The following SGCZ variants were observed in gnomAD, a reference collection of about 807,000 sequenced individuals.
The protein encoded by SGCZ is sarcoglycan zeta, also known as zeta-sarcoglycan.
In SGCZ, 40 loss-of-function variants were observed where a neutral mutation model predicts 41.3. The observed-to-expected ratio is 0.97, with a 90% CI of 0.75 to 1.26. The LOEUF (loss-of-function observed/expected upper bound fraction) is 1.26, where lower values mean the gene tolerates loss of function less well. Ranked by LOEUF, SGCZ falls within the 50% of genes most tolerant of loss-of-function variation. The probability of loss-of-function intolerance (pLI) is 0.00; values close to 1 mark genes in which losing one functional copy is unlikely to be tolerated. For missense variants in SGCZ, 552 were observed against 369.8 expected (o/e 1.49, Z -4.04); for synonymous variants, 206 against 137.5 (o/e 1.50, Z -3.49).
intron 3 of SGCZ, among the ~76,000 whole-genome samples, chr8:14,252,456 A>T (rs1020745708): frequency 5.9e-5 from 9 of 152,134 alleles, no homozygotes; most frequent in African/African-American, 2.2e-4. Context: ...TACTGAAGTA[A>T]CTGAAAAATC....
intron 1 of SGCZ, among the ~76,000 whole-genome samples, chr8:15,159,084 T>G (rs977843029): frequency 6.6e-6 from 1 of 152,140 alleles, no homozygotes; most frequent in African/African-American, 2.4e-5. Context: ...AAGACCAGCC[T>G]TCTGAGAGGG....
At chr8:14,460,588 A>G (rs1363322800) in intron 2 of SGCZ, among the ~76,000 whole-genome samples, 1 of 152,146 alleles carries the variant, frequency 6.6e-6, no homozygotes. Flanking sequence ...GTGCATAATA[A>G]CAAGAAATGT....
chr8:14,247,851 G>A (rs1799159232), intron 3 of SGCZ, among the ~76,000 whole-genome samples: 1 of 152,168 alleles, frequency 6.6e-6, no homozygotes, highest in East Asian at 1.9e-4. Context: ...AATTGATGAG[G>A]TCAAAGAGAC....
chr8:14,437,830 A>G (rs1393162266), intron 2 of SGCZ, among the ~76,000 whole-genome samples: 1 of 151,860 alleles, frequency 6.6e-6, no homozygotes. Context: ...AAAAATTTAT[A>G]ATTTTAATAT....
At chr8:14,637,411 C>T (rs931716625) in intron 1 of SGCZ, among the ~76,000 whole-genome samples, 1 of 151,514 alleles carries the variant, frequency 6.6e-6, no homozygotes, top group Non-Finnish European at 1.5e-5. Flanking sequence ...GCATGGATCC[C>T]ATCACTCAGA....
At position 14,108,223 on chromosome 8, in the gene SGCZ, G is replaced by C. The variant is rs767884509; in HGVS notation, c.560C>G (p.Ala187Gly). 3 of 1,614,042 alleles carry C rather than the reference G, an allele frequency of 1.9e-6. No homozygotes were observed. In the East Asian group the frequency reaches 6.7e-5, roughly 36 times the overall value. The change falls in exon 6 of 8, where the codon GCC (alanine) becomes GGC (glycine). Residue 187 changes from alanine (A) to glycine (G), a missense_variant. By Grantham distance (60) the Ala-to-Gly change is moderately conservative (BLOSUM62 0). Transcript: ENST00000382080. ...CGTCTCCACAGAGTGCCCAAATACG[G>C]CTCCTTCAGTGCCTGGGGGTAGCAT... The part of the protein sequence containing the change: ...EKLKVTGTEG[A>G]VFGHSVETPH...
At chr8:14,943,905 T>A (rs761912857) in intron 1 of SGCZ, among the ~76,000 whole-genome samples, 23 of 152,148 alleles carry the variant, frequency 1.5e-4, no homozygotes, top group Non-Finnish European at 3.1e-4. Flanking sequence ...GCAAAGGACG[T>A]AATCTTGTTC....
intron 4 of SGCZ, among the ~76,000 whole-genome samples, chr8:14,181,341 G>T (rs978506637): frequency 1.3e-5 from 2 of 152,168 alleles, no homozygotes; most frequent in African/African-American, 4.8e-5. Context: ...TGGTAATGGT[G>T]TGCCTTAAAA....
intron 1 of SGCZ, among the ~76,000 whole-genome samples, chr8:14,611,148 T>A (rs539801730): frequency 6.6e-6 from 1 of 152,318 alleles, no homozygotes; most frequent in East Asian, 1.9e-4. Flanking sequence ...ATGAATATAT[T>A]TCTCATTTTA....
At chr8:14,170,046 T>A (rs1804329000) in intron 4 of SGCZ, among the ~76,000 whole-genome samples, 1 of 129,410 alleles carries the variant, frequency 7.7e-6, no homozygotes, top group Admixed American at 8.6e-5. Context: ...TAAATTGGGT[T>A]CTTTCACTTG....
intron 1 of SGCZ, among the ~76,000 whole-genome samples, chr8:14,807,251 A>G (rs1228283903): frequency 6.6e-6 from 1 of 152,168 alleles, no homozygotes; most frequent in Non-Finnish European, 1.5e-5. Flanking sequence ...AGGAGAAAGA[A>G]ATAAAGGGTA....
intron 4 of SGCZ, among the ~76,000 whole-genome samples, chr8:14,223,698 G>A (rs1023984622): frequency 4.3e-4 from 65 of 152,122 alleles, no homozygotes; most frequent in African/African-American, 1.4e-3. Context: ...CATGACCCAC[G>A]GAACCACCTG....
chr8:14,680,269 T>C (rs1326857160), intron 1 of SGCZ, among the ~76,000 whole-genome samples: 3 of 152,124 alleles, frequency 2.0e-5, no homozygotes, highest in Admixed American at 1.3e-4. Flanking sequence ...GATGCTATAA[T>C]GGTGTATACG....
intron 1 of SGCZ, among the ~76,000 whole-genome samples, chr8:14,914,929 A>G (rs909880892): frequency 2.6e-5 from 4 of 152,134 alleles, no homozygotes; most frequent in African/African-American, 9.7e-5. Context: ...TTTGGCCACC[A>G]ACACTGCAAA....
At chr8:15,011,404 T>C (rs776742801) in intron 1 of SGCZ, among the ~76,000 whole-genome samples, 1 of 152,232 alleles carries the variant, frequency 6.6e-6, no homozygotes, top group Non-Finnish European at 1.5e-5. Context: ...GCAATTCAAG[T>C]ACAGCTTTTT....
chr8:14,638,422 A>T (rs1163648412), intron 1 of SGCZ, among the ~76,000 whole-genome samples: 1 of 151,904 alleles, frequency 6.6e-6, no homozygotes, highest in Non-Finnish European at 1.5e-5. Context: ...CCCAGTATAA[A>T]TAACATTTCC....
At chr8:14,842,223 T>A (rs1447780365) in intron 1 of SGCZ, among the ~76,000 whole-genome samples, 1 of 152,040 alleles carries the variant, frequency 6.6e-6, no homozygotes. Context: ...GATTAGCAAA[T>A]GTTTTCCTGC....
At chr8:15,147,331 T>C (rs1799061858) in intron 1 of SGCZ, among the ~76,000 whole-genome samples, 1 of 152,078 alleles carries the variant, frequency 6.6e-6, no homozygotes. Context: ...CAGGCTGGAG[T>C]GCAATGGCAC....
intron 2 of SGCZ, among the ~76,000 whole-genome samples, chr8:14,387,484 A>G (rs1353137779): frequency 5.9e-5 from 9 of 152,224 alleles, no homozygotes; most frequent in Admixed American, 5.9e-4. Flanking sequence ...AAGTGTTCAC[A>G]TTCATTCACT....
Sources: allele counts gnomAD v4.1 joint callset (sites outside exome capture counted in the v4.1 genomes callset), GRCh38; gene constraint gnomAD v4.1.1; transcripts MANE v1.5; gene names NCBI Gene and HGNC (gene_info 2026-07-23, HGNC 2026-07-21).